RGS17: variants seen among roughly 807,000 people sequenced by gnomAD.
RGS17 encodes regulator of G-protein signaling 17.
In RGS17, 12 loss-of-function variants were observed where a neutral mutation model predicts 25.5. The ratio of observed to expected loss-of-function variants is 0.47; its 90% CI spans 0.30 to 0.76. The LOEUF (loss-of-function observed/expected upper bound fraction) is 0.76. Ranked by LOEUF, RGS17 falls within the 30% of genes least tolerant of loss-of-function variation. The pLI, the probability that RGS17 is intolerant of heterozygous loss-of-function variation, is 0.07. For synonymous variants in RGS17, 71 were observed against 76.9 expected (o/e 0.92, Z 0.40); for missense variants, 196 against 242.2 (o/e 0.81, Z 1.27).
chr6:153,065,035 C>T (rs771831900), intron 1 of RGS17, among the ~76,000 whole-genome samples: 3 of 152,036 alleles, frequency 2.0e-5, no homozygotes, highest in Non-Finnish European at 4.4e-5. Context: ...ACATAAGACC[C>T]CTTGATCTGT....
chr6:153,015,930 G>A (rs1368335345), intron 4 of RGS17, among the ~76,000 whole-genome samples: 1 of 152,170 alleles, frequency 6.6e-6, no homozygotes, highest in East Asian at 1.9e-4. Context: ...TGGGATTACA[G>A]GTGTGAGCCA....
rs1779117147 is a variant in RGS17, at chr6:153,010,363, C to T, written c.*1211G>A. ...AGTGTACTTATAAAAAATAATATGG[C>T]AGCTGGAAGATTTGAGCACTGTACT... is the stretch of plus-strand genomic sequence containing the variant. On this transcript the variant is annotated 3_prime_UTR_variant, in exon 5 of 5. Transcript: ENST00000206262. The T allele has an allele frequency of 6.6e-6, 1 of 151,928 alleles. No homozygotes were observed. Among genetic ancestry groups the T allele is most frequent in the South Asian group, 2.1e-4 (1 of 4,824 alleles). The allele number at this position is 151,928 out of a possible 1,614,324, so 9.4% of individuals were successfully genotyped here. A position where few individuals can be genotyped will look rare whatever the true frequency, so the allele number is the denominator to read the frequency against.
At chr6:153,070,673 T>TTGTGTGCGTG (rs1554239950) in intron 1 of RGS17, among the ~76,000 whole-genome samples, 2 of 144,982 alleles carry the variant, frequency 1.4e-5, no homozygotes, top group East Asian at 4.5e-4. Context: ...ACATGGAAGA[T>TTGTGTGCGTG]TGTGTGTGTG....
rs568289348 is a variant in RGS17 at position 153,117,421 on chromosome 6, G to T, written c.-26+13703C>A. Reference sequence around the variant, plus strand: ...AATTACAAATCAAGATGAAATTTGGGTGGGGACACAAAGCCTAACCATATC... The same window carrying T: ...AATTACAAATCAAGATGAAATTTGGTTGGGGACACAAAGCCTAACCATATC... On this transcript the variant is annotated intron_variant, in intron 1 of 4. Coordinates refer to ENST00000206262, the MANE Select transcript of RGS17 (RefSeq NM_012419.5). Among the ~76,000 whole-genome samples the T allele has an allele frequency of 3.9e-5, 6 of 152,266 alleles. 1 individual carries two copies. The South Asian group carries it at 1.2e-3, about 32-fold the overall frequency.
At chr6:153,046,941 T>C (rs899526630) in intron 1 of RGS17, among the ~76,000 whole-genome samples, 15 of 152,122 alleles carry the variant, frequency 9.9e-5, no homozygotes, top group African/African-American at 3.6e-4. Flanking sequence ...TCTACACTTA[T>C]AAACAAAATA....
rs2129104499 is a variant in RGS17, at chr6:153,008,168, T to C, written c.*3406A>G. On this transcript the variant is annotated 3_prime_UTR_variant, in exon 5 of 5. Transcript: ENST00000206262. ...CTAATAAATAAATATTATTCACTTA[T>C]CCCTATAGTCCTTTGGCAAAACTGA... is the stretch of plus-strand genomic sequence containing the variant. 1 of 152,314 alleles carries C rather than the reference T, an allele frequency of 6.6e-6. No individual in the cohort carries two copies. Among genetic ancestry groups the C allele is most frequent in the East Asian group, 1.9e-4 (1 of 5,194 alleles). 9.4% of individuals were successfully genotyped at this position (152,314 alleles called of 1,614,324 possible).
intron 1 of RGS17, among the ~76,000 whole-genome samples, chr6:153,127,756 T>C (rs1174515394): frequency 2.0e-5 from 3 of 152,120 alleles, no homozygotes; most frequent in African/African-American, 7.2e-5. Context: ...ATTCTGAAAA[T>C]TGCTTCCTCC....
intron 4 of RGS17, 130 bp downstream of exon 4, chr6:153,024,132 A>G: frequency 1.6e-6 from 1 of 628,842 alleles, no homozygotes. Flanking sequence ...TCCCAACAGA[A>G]GCTGAATTAT....
At position 153,080,832 on chromosome 6, in the gene RGS17, TCTC is replaced by T. The variant is rs1311729870; in HGVS notation, c.-25-36792_-25-36790del. Among the ~76,000 whole-genome samples the T allele has an allele frequency of 2.6e-5, 4 of 151,888 alleles. 1 individual carries two copies. The East Asian group carries it at 7.7e-4, about 29-fold the overall frequency. On this transcript the variant is annotated intron_variant, in intron 1 of 4. Transcript: ENST00000206262. ...ATTCAGTTCAAAACATTTTCTCATT[TCTC>T]CTGTTTTTTTTTTAATCCATGATTT...
chr6:153,056,672 G>C (rs1933258), intron 1 of RGS17, among the ~76,000 whole-genome samples: 58,336 of 151,962 alleles, frequency 0.38, 11,870 homozygotes, highest in East Asian at 0.62. Context: ...CCTAACTGCT[G>C]TCTTCAAAAT....
chr6:153,029,653 T>A (rs1414747338), intron 2 of RGS17, among the ~76,000 whole-genome samples: 1 of 151,792 alleles, frequency 6.6e-6, no homozygotes, highest in South Asian at 2.1e-4. Flanking sequence ...TGCAATGGCA[T>A]GATCTCAGCT....
At chr6:153,094,216 C>T (rs927425310) in intron 1 of RGS17, among the ~76,000 whole-genome samples, 1 of 151,924 alleles carries the variant, frequency 6.6e-6, no homozygotes, top group Non-Finnish European at 1.5e-5. Flanking sequence ...GCCGGGACCA[C>T]AGGCACATAC....
At chr6:153,031,339 A>C (rs7774354) in intron 2 of RGS17, among the ~76,000 whole-genome samples, 22,217 of 152,226 alleles carry the variant, frequency 0.15, 2,038 homozygotes, top group African/African-American at 0.26. Flanking sequence ...GTTGAATGGA[A>C]GGGCAAGTTG....
intron 1 of RGS17, among the ~76,000 whole-genome samples, chr6:153,108,248 C>T (rs1777414063): frequency 6.6e-6 from 1 of 152,186 alleles, no homozygotes; most frequent in Non-Finnish European, 1.5e-5. Flanking sequence ...CATCTTATCA[C>T]CTAATATGCA....
chr6:153,117,032 C>A (rs757539117), intron 1 of RGS17, among the ~76,000 whole-genome samples: 1 of 151,988 alleles, frequency 6.6e-6, no homozygotes, highest in Non-Finnish European at 1.5e-5. Context: ...ATGTAACAAA[C>A]CTGCATGTTC....
chr6:153,099,039 G>T (rs1416866189), intron 1 of RGS17, among the ~76,000 whole-genome samples: 7 of 152,088 alleles, frequency 4.6e-5, no homozygotes, highest in Admixed American at 2.6e-4. Flanking sequence ...TGTTTCCAGT[G>T]CCCCTTTTCA....
chr6:153,052,829 A>C (rs561226565), intron 1 of RGS17, among the ~76,000 whole-genome samples: 1 of 152,162 alleles, frequency 6.6e-6, no homozygotes, highest in Non-Finnish European at 1.5e-5. Flanking sequence ...GGTGATATTA[A>C]GAGGTGGGGC....
chr6:153,030,932 G>A (rs533367770), intron 2 of RGS17, among the ~76,000 whole-genome samples: 17 of 152,240 alleles, frequency 1.1e-4, no homozygotes, highest in African/African-American at 4.1e-4. Context: ...CTGTGCTTTT[G>A]CATAAGAGAA....
At chr6:153,104,595 T>C (rs1434900530) in intron 1 of RGS17, among the ~76,000 whole-genome samples, 1 of 152,178 alleles carries the variant, frequency 6.6e-6, no homozygotes, top group East Asian at 1.9e-4. Flanking sequence ...TCAATAAACA[T>C]TTACTGAATG....
Sources: allele counts gnomAD v4.1 joint callset (sites outside exome capture counted in the v4.1 genomes callset), GRCh38; gene constraint gnomAD v4.1.1; transcripts MANE v1.5; gene names NCBI Gene and HGNC (gene_info 2026-07-23, HGNC 2026-07-21).